The following ATAD3C variants were observed in gnomAD, a reference collection of about 807,000 sequenced individuals.
ATAD3C encodes the protein ATPase family AAA domain containing 3C.
A neutral mutation model predicts 46.3 loss-of-function variants in ATAD3C; 38 were observed. That is an observed-to-expected ratio of 0.82 (90% CI 0.63 to 1.08). The LOEUF (loss-of-function observed/expected upper bound fraction) is 1.08, where lower values mean the gene tolerates loss of function less well. ATAD3C is among the 50% of genes least tolerant of loss of function. The pLI is 0.00. For synonymous variants in ATAD3C, 220 were observed against 236.4 expected (o/e 0.93, Z 0.63); for missense variants, 563 against 572.7 (o/e 0.98, Z 0.17).
intron 8 of ATAD3C, among the ~76,000 whole-genome samples, chr1:1,457,790 G>C (rs183379878): frequency 3.4e-5 from 5 of 148,922 alleles, no homozygotes; most frequent in African/African-American, 9.9e-5. Flanking sequence ...CGATTCTCCT[G>C]CTTCATCCTC....
chr1:1,462,749 G>A lies in ATAD3C; in HGVS notation c.1089+41G>A. 6.4e-7 allele frequency: 1 copy of A among 1,560,182 alleles called. No individual in the cohort carries two copies. The highest frequency in any genetic ancestry group is 8.7e-7 in the Non-Finnish European group (1 of 1,147,522). Reference sequence around the variant, plus strand: ...GTGCACCCACCCAGATGGAAGCCCAGCTGCTGTGCAGATGCTTGGTTGCGC... The same window carrying A: ...GTGCACCCACCCAGATGGAAGCCCAACTGCTGTGCAGATGCTTGGTTGCGC... On this transcript the variant is annotated intron_variant, in intron 11 of 11. Transcript: ENST00000378785. This position sits in a 1 kb window ranked among gnomAD's most constrained non-coding sequence, Gnocchi z 4.5.
At chr1:1,463,298 G>A (rs1314209295) in intron 11 of ATAD3C, among the ~76,000 whole-genome samples, 2 of 152,052 alleles carry the variant, frequency 1.3e-5, no homozygotes. Context: ...GGGGTTGCTG[G>A]AAAAGCAAAA....
chr1:1,450,991 C>T (rs1474731878), intron 1 of ATAD3C, among the ~76,000 whole-genome samples: 1 of 151,518 alleles, frequency 6.6e-6, no homozygotes, highest in Non-Finnish European at 1.5e-5. Flanking sequence ...TCTGGTCGTC[C>T]TGAGGGCCTG....
chr1:1,461,721 A>G lies in ATAD3C; in HGVS notation c.980+804A>G, dbSNP rs868069434. ...GAGGCTCCTCATGAGACCCCCATGT[A>G]GGGATTGGAGGGAGAGGCTCCTCAT... is the stretch of plus-strand genomic sequence containing the variant. On this transcript the variant is annotated intron_variant, in intron 10 of 11. Coordinates refer to ENST00000378785, the MANE Select transcript of ATAD3C (RefSeq NM_001039211.3). Among the ~76,000 whole-genome samples the G allele has an allele frequency of 8.2e-3, 1,086 of 131,774 alleles. 15 individuals are homozygous for G. Among genetic ancestry groups the G allele is most frequent in the African/African-American group, 0.023 (795 of 34,542 alleles). The allele number at this position is 131,774 out of a possible 152,430, so 86.4% of individuals were successfully genotyped here.
chr1:1,455,165 A>C (rs964834428), intron 4 of ATAD3C, among the ~76,000 whole-genome samples: 6 of 144,706 alleles, frequency 4.1e-5, no homozygotes, highest in African/African-American at 1.5e-4. Context: ...TGCAGTAAGC[A>C]GAGATCACGC....
At position 1,469,966 on chromosome 1, in the gene ATAD3C, T is replaced by G. The variant is rs959428271; in HGVS notation, c.*1436T>G. Reference sequence around the variant, plus strand: ...GCAATCTCCCCCACCCTTAAGAAGGTTCTTTGTCATTCTCCCCACCCTTGA... The same window carrying G: ...GCAATCTCCCCCACCCTTAAGAAGGGTCTTTGTCATTCTCCCCACCCTTGA... On this transcript the variant is annotated 3_prime_UTR_variant, in exon 12 of 12. Coordinates refer to ENST00000378785, the MANE Select transcript of ATAD3C (RefSeq NM_001039211.3). The G allele has an allele frequency of 6.7e-6, 1 of 149,932 alleles. No homozygotes were observed. Among genetic ancestry groups the G allele is most frequent in the Non-Finnish European group, 1.5e-5 (1 of 67,886 alleles). The allele number at this position is 149,932 out of a possible 1,614,324, so 9.3% of individuals were successfully genotyped here. A position where few individuals can be genotyped will look rare whatever the true frequency, so the allele number is the denominator to read the frequency against.
At chr1:1,456,905 G>A (rs929282372) in intron 7 of ATAD3C, among the ~76,000 whole-genome samples, 5 of 151,944 alleles carry the variant, frequency 3.3e-5, no homozygotes, top group South Asian at 2.1e-4. Context: ...GACTCTAAGC[G>A]GCCACCAGCG....
At chr1:1,466,362 CTAACATGGT>C (rs1639142499) in intron 11 of ATAD3C, among the ~76,000 whole-genome samples, 1 of 151,184 alleles carries the variant, frequency 6.6e-6, no homozygotes, top group South Asian at 2.1e-4. Flanking sequence ...CCTGGCCTGG[CTAACATGGT>C]GAAACCCTGT....
rs545137885 is a variant in ATAD3C, at chr1:1,450,761, G to C, written c.75+3G>C. The C allele has an allele frequency of 3.1e-6, 5 of 1,612,776 alleles. No homozygotes were observed. In the African/African-American group the frequency reaches 5.3e-5, roughly 17 times the overall value. ...TGGAGCAACAGTCCAAGCTCAAAGT[G>C]AGTGGGGCCGGTGTGGGCGGGGAGG... On this transcript the variant is annotated splice_donor_region_variant and intron_variant, in intron 1 of 11. Transcript: ENST00000378785.
chr1:1,460,603 T>C (rs2801372), intron 9 of ATAD3C, 147 bp from the exon 10 acceptor site: 1,317,956 of 1,372,132 alleles, frequency 0.96, 633,633 homozygotes, highest in African/African-American at 0.99. Flanking sequence ...TGGCTGTGGC[T>C]GCGTTCTCCC....
In ATAD3C at chr1:1,462,666, C is replaced by A. The variant is rs1342606331; in HGVS notation, c.1047C>A (p.Gly349=). The change falls in exon 11 of 12, where the codon GGC becomes GGA. Residue 349 remains glycine, a synonymous_variant. Transcript: ENST00000378785. This position sits in a 1 kb window ranked among gnomAD's most constrained non-coding sequence, Gnocchi z 4.5. ...KCLEIARLTE[G]MSCRKIAQLA... ...TAGAGATCGCTCGGCTGACAGAGGGCATGTCATGCCGGAAGATCGCACAGC... is the reference window on the plus strand; with the variant it reads ...TAGAGATCGCTCGGCTGACAGAGGGAATGTCATGCCGGAAGATCGCACAGC... The A allele has an allele frequency of 1.9e-6, 3 of 1,606,898 alleles. No homozygotes were observed. In the East Asian group the frequency reaches 6.7e-5, roughly 36 times the overall value.
At chr1:1,455,711 C>T (rs1208488942) in intron 5 of ATAD3C, 80 bp from the exon 6 acceptor site, 1 of 1,591,530 alleles carries the variant, frequency 6.3e-7, no homozygotes, top group Admixed American at 1.7e-5. Context: ...GAGTCCACAC[C>T]CAGGCATTCT....
At position 1,468,389 on chromosome 1, in the gene ATAD3C, G is replaced by A. The variant is rs778747744; in HGVS notation, c.1095G>A (p.Thr365=). 1.6e-5 allele frequency: 26 copies of A among 1,609,628 alleles called. 3 individuals are homozygous for A. Among genetic ancestry groups the A allele is most frequent in the Non-Finnish European group, 2.1e-5 (25 of 1,178,280 alleles). The change falls in exon 12 of 12, where the codon ACG becomes ACA. Residue 365 remains threonine (T), a synonymous_variant. Transcript: ENST00000378785. ...GCTCCCTCTCTCCCCACTAGGCCACGGCGTATGCCTCCAAGGACGGGGTCC... is the reference window on the plus strand; with the variant it reads ...GCTCCCTCTCTCCCCACTAGGCCACAGCGTATGCCTCCAAGGACGGGGTCC... The part of the protein sequence containing the change: ...IAQLAVSWQA[T]AYASKDGVLT...
rs1042672314 is a variant in ATAD3C at position 1,449,791 on chromosome 1, C to T, written c.-893C>T. The T allele has an allele frequency of 5.9e-5, 9 of 151,902 alleles. 1 individual carries two copies. The highest frequency in any genetic ancestry group is 7.4e-5 in the Non-Finnish European group (5 of 67,938). The allele number at this position is 151,902 out of a possible 1,614,324, so 9.4% of individuals were successfully genotyped here. The stretch of plus-strand genomic sequence containing the variant: ...AATTTTGTGATGGGAAAACTCATCC[C>T]GGAAAATGTTGAGACCTGATGCTGA... On this transcript the variant is annotated 5_prime_UTR_variant, in exon 1 of 12. Coordinates refer to ENST00000378785, the MANE Select transcript of ATAD3C (RefSeq NM_001039211.3).
Position 1,452,109 on chromosome 1 carries a change from T to C in ATAD3C, c.139T>C (p.Leu47=), listed in dbSNP as rs568132791. The C allele has an allele frequency of 2.5e-6, 4 of 1,613,544 alleles. No individual in the cohort carries two copies. The highest frequency in any genetic ancestry group is 4.5e-5 in the East Asian group (2 of 44,886). ...ESVQKHHQTF[L]ESIRAAGTLF... Reference sequence around the variant, plus strand: ...CGTGCAGAAGCACCATCAGACCTTCTTGGAGTCCATCAGGTGAGCGCTGCC... The same window carrying C: ...CGTGCAGAAGCACCATCAGACCTTCCTGGAGTCCATCAGGTGAGCGCTGCC... The change falls in exon 2 of 12, where the codon TTG becomes CTG. Residue 47 remains leucine, a synonymous_variant. Transcript: ENST00000378785.
intron 4 of ATAD3C, 82 bp downstream of exon 4, chr1:1,454,582 A>T: frequency 2.0e-6 from 3 of 1,490,298 alleles, no homozygotes. Flanking sequence ...CCACGCATAT[A>T]CTCCTGTCCC....
chr1:1,452,192 T>G (rs987243035), intron 2 of ATAD3C, 70 bp downstream of exon 2: 2 of 1,593,732 alleles, frequency 1.3e-6, no homozygotes, highest in Non-Finnish European at 1.7e-6. Context: ...GGTCCCAGGG[T>G]GCTCTCCAGC....
At chr1:1,452,539 C>A in intron 3 of ATAD3C, 105 bp downstream of exon 3, 10 of 1,570,398 alleles carry the variant, frequency 6.4e-6, no homozygotes, top group South Asian at 1.1e-5. Context: ...CAGGTCCTGG[C>A]GCTCTCCCAG....
In ATAD3C at chr1:1,460,892, C is replaced by A; in HGVS notation, c.955C>A (p.Leu319Ile). Residue 319 changes from leucine to isoleucine, a missense_variant, in exon 10 of 12, where the codon CTT (leucine) becomes ATT (isoleucine). Leu to Ile is a conservative substitution (Grantham distance 5). Coordinates refer to ENST00000378785, the MANE Select transcript of ATAD3C (RefSeq NM_001039211.3). ...GAGAATGTATCTTAACGAGTATGTT[C>A]TTAAGCCGGCCACAGAAGGAAAGCG... The part of the protein sequence containing the change: ...LVRMYLNEYV[L>I]KPATEGKRRL... 6.2e-7 allele frequency: 1 copy of A among 1,610,992 alleles called. No homozygotes were observed. The highest frequency in any genetic ancestry group is 1.1e-5 in the South Asian group (1 of 90,616).
Sources: gnomAD v4.1 joint callset for allele counts (sites outside exome capture counted in the v4.1 genomes callset) on GRCh38, gnomAD v4.1.1 for gene constraint, Gnocchi (gnomAD v3.1) non-coding constraint, MANE v1.5 for transcripts, NCBI Gene and HGNC (gene_info 2026-07-23, HGNC 2026-07-21) for gene names.